ZRANB3: variants seen among roughly 807,000 people sequenced by gnomAD.
ZRANB3 encodes the protein DNA annealing helicase and endonuclease ZRANB3.
ZRANB3 carries 125 observed loss-of-function variants against 133.8 expected under a neutral mutation model. The observed-to-expected ratio is 0.93, with a 90% CI of 0.81 to 1.08. ZRANB3 has a LOEUF of 1.08. ZRANB3 is among the 50% of genes least tolerant of loss of function. The probability of loss-of-function intolerance (pLI) is 0.00; values close to 1 mark genes in which losing one functional copy is unlikely to be tolerated. For synonymous variants in ZRANB3, 387 were observed against 432.7 expected (o/e 0.89, Z 1.31); for missense variants, 1,229 against 1,275.5 (o/e 0.96, Z 0.56).
At chr2:135,459,760 A>G (rs1044642332) in intron 2 of ZRANB3, among the ~76,000 whole-genome samples, 1 of 152,218 alleles carries the variant, frequency 6.6e-6, no homozygotes, top group East Asian at 1.9e-4. Context: ...CAGAATGACA[A>G]CATAAATTTC....
Position 135,301,699 on chromosome 2 carries a change from G to C in ZRANB3, c.966+11790C>G, listed in dbSNP as rs113162198. ...CATTTTACTCCCTCCCTCTGACAGG[G>C]TAAATCTTATTTGTTCATTCCTTGG... On this transcript the variant is annotated intron_variant, in intron 8 of 20. Transcript: ENST00000264159. 3.0e-3 allele frequency among the ~76,000 whole-genome samples: 452 copies of C among 152,268 alleles called. 3 individuals are homozygous for C. The highest frequency in any genetic ancestry group is 0.01 in the African/African-American group (421 of 41,534).
rs1423252991 is a variant in ZRANB3 at position 135,417,633 on chromosome 2, A to C, written c.162-26813T>G. ...TGGGCATATACCCAAAGGACTATAAATCATGCTGCTATAAAGACACATGCA... is the reference window on the plus strand; with the variant it reads ...TGGGCATATACCCAAAGGACTATAACTCATGCTGCTATAAAGACACATGCA... On this transcript the variant is annotated intron_variant, in intron 2 of 20. Coordinates refer to ENST00000264159, the MANE Select transcript of ZRANB3 (RefSeq NM_032143.4). Among the ~76,000 whole-genome samples, 6 of 152,336 alleles carry C rather than the reference A, an allele frequency of 3.9e-5. No individual in the cohort carries two copies. The South Asian group carries it at 1.2e-3, about 32-fold the overall frequency.
chr2:135,473,534 C>T (rs2104783021), intron 2 of ZRANB3, among the ~76,000 whole-genome samples: 1 of 148,616 alleles, frequency 6.7e-6, no homozygotes, highest in South Asian at 2.1e-4. Context: ...CTCAAGATAG[C>T]TAGTAATATG....
At chr2:135,324,448 A>C (rs1280239444) in intron 6 of ZRANB3, among the ~76,000 whole-genome samples, 1 of 152,164 alleles carries the variant, frequency 6.6e-6, no homozygotes, top group Non-Finnish European at 1.5e-5. Context: ...TCCATGGTGT[A>C]CATGTGCCAC....
intron 2 of ZRANB3, among the ~76,000 whole-genome samples, chr2:135,468,572 C>G (rs911208151): frequency 6.6e-6 from 1 of 152,182 alleles, no homozygotes; most frequent in African/African-American, 2.4e-5. Context: ...TATCTAAGGG[C>G]CTCTCTCTGT....
Position 135,257,026 on chromosome 2 carries a change from G to A in ZRANB3, c.1539+8508C>T. 1.3e-5 allele frequency among the ~76,000 whole-genome samples: 2 copies of A among 152,094 alleles called. 1 individual carries two copies. The highest frequency in any genetic ancestry group is 3.9e-4 in the East Asian group (2 of 5,192). ...GAAACATCTGGAAGTTACCCTATAT[G>A]GTCTAAAAAGGGGAGGAACCTTCAG... is the stretch of plus-strand genomic sequence containing the variant. On this transcript the variant is annotated intron_variant, in intron 12 of 20. Coordinates refer to ENST00000264159, the MANE Select transcript of ZRANB3 (RefSeq NM_032143.4).
intron 8 of ZRANB3, among the ~76,000 whole-genome samples, chr2:135,289,661 G>A (rs1300370050): frequency 1.3e-5 from 2 of 152,116 alleles, no homozygotes; most frequent in Non-Finnish European, 2.9e-5. Flanking sequence ...CTAGCATTTC[G>A]GGAGGCAAAG....
chr2:135,197,194 T>TTCTCTC lies in ZRANB3; in HGVS notation c.*3147_*3148insGAGAGA, dbSNP rs1348538586. ...AATGGTGGAATGAGAGACAGGCTAA[T>TTCTCTC]AATATGCAACAGAAAATGAGACATT... On this transcript the variant is annotated 3_prime_UTR_variant, in exon 21 of 21. Coordinates refer to ENST00000264159, the MANE Select transcript of ZRANB3 (RefSeq NM_032143.4). 2 of 152,222 alleles carry TTCTCTC rather than the reference T, an allele frequency of 1.3e-5. No individual in the cohort carries two copies. The highest frequency in any genetic ancestry group is 2.9e-5 in the Non-Finnish European group (2 of 68,028). 9.4% of individuals were successfully genotyped at this position (152,222 alleles called of 1,614,324 possible).
chr2:135,305,578 TTCTC>T (rs1209576816), intron 8 of ZRANB3, among the ~76,000 whole-genome samples: 2 of 152,232 alleles, frequency 1.3e-5, no homozygotes, highest in African/African-American at 4.8e-5. Context: ...GTTCCTTTCT[TTCTC>T]TCTTATTTTT....
intron 2 of ZRANB3, among the ~76,000 whole-genome samples, chr2:135,445,682 C>T: frequency 6.7e-6 from 1 of 148,324 alleles, no homozygotes; most frequent in South Asian, 2.1e-4. Context: ...TCGAGACCAG[C>T]CTGGCCAAGA....
At chr2:135,220,121 C>T (rs939710402) in intron 15 of ZRANB3, among the ~76,000 whole-genome samples, 3 of 151,994 alleles carry the variant, frequency 2.0e-5, no homozygotes, top group African/African-American at 7.3e-5. Flanking sequence ...GATCCTACCA[C>T]CTTGAACTCC....
chr2:135,494,813 T>C (rs1692590029), intron 2 of ZRANB3, among the ~76,000 whole-genome samples: 1 of 152,116 alleles, frequency 6.6e-6, no homozygotes, highest in African/African-American at 2.4e-5. Context: ...TGTCCCACAT[T>C]AAAGGAAACA....
chr2:135,503,771 G>A (rs1376089318), intron 2 of ZRANB3, among the ~76,000 whole-genome samples: 1 of 151,992 alleles, frequency 6.6e-6, no homozygotes, highest in Admixed American at 6.6e-5. Context: ...ACCAGCCTGG[G>A]CAACATGGTG....
intron 2 of ZRANB3, among the ~76,000 whole-genome samples, chr2:135,417,391 C>T (rs1179412034): frequency 1.3e-5 from 2 of 151,898 alleles, no homozygotes; most frequent in Non-Finnish European, 2.9e-5. Context: ...CAGAGAAATG[C>T]AAATCAAAAC....
At chr2:135,343,035 A>C (rs1247300868) in intron 6 of ZRANB3, among the ~76,000 whole-genome samples, 4 of 141,888 alleles carry the variant, frequency 2.8e-5, no homozygotes, top group African/African-American at 5.9e-5. Flanking sequence ...AAAAAAAAAA[A>C]CATTAGCAGG....
At chr2:135,258,234 A>T (rs1679757507) in intron 12 of ZRANB3, among the ~76,000 whole-genome samples, 1 of 152,236 alleles carries the variant, frequency 6.6e-6, no homozygotes, top group South Asian at 2.1e-4. Context: ...TGAGTGTATT[A>T]AAAGTCATAA....
chr2:135,397,935 A>T (rs1046954442), intron 2 of ZRANB3, among the ~76,000 whole-genome samples: 1 of 152,226 alleles, frequency 6.6e-6, no homozygotes, highest in South Asian at 2.1e-4. Flanking sequence ...TATGTAGCAG[A>T]AGTGGCTGTT....
chr2:135,224,586 G>T lies in ZRANB3; in HGVS notation c.2159-69C>A, dbSNP rs186793470. The T allele has an allele frequency of 4.4e-6, 5 of 1,130,416 alleles. No individual in the cohort carries two copies. The Admixed American group carries it at 1.1e-4, about 24-fold the overall frequency. The allele number at this position is 1,130,416 out of a possible 1,614,324, so 70.0% of individuals were successfully genotyped here. The stretch of plus-strand genomic sequence containing the variant: ...CTATCTAAAATAGCTTATTTTAATC[G>T]TGTGTAGGTTAGAACGATGAAATAG... On this transcript the variant is annotated intron_variant, in intron 14 of 20. Transcript: ENST00000264159.
At chr2:135,392,978 C>T (rs1289609473) in intron 2 of ZRANB3, among the ~76,000 whole-genome samples, 1 of 151,744 alleles carries the variant, frequency 6.6e-6, no homozygotes, top group Non-Finnish European at 1.5e-5. Flanking sequence ...TCTAATGATC[C>T]TACCACCTCA....
Sources: gnomAD v4.1 joint callset for allele counts (sites outside exome capture counted in the v4.1 genomes callset) on GRCh38, gnomAD v4.1.1 for gene constraint, MANE v1.5 for transcripts, NCBI Gene and HGNC (gene_info 2026-07-23, HGNC 2026-07-21) for gene names.